Variants in CHD7 observed in about 807,000 individuals in gnomAD.
CHD7 encodes chromodomain helicase DNA binding protein 7.
Under a neutral mutation model 307.3 loss-of-function variants are expected in CHD7, and 24 were observed. That is an observed-to-expected ratio of 0.08 (90% CI 0.06 to 0.11). CHD7 has a LOEUF of 0.11. Among genes scored for constraint, CHD7 ranks in the 10% least tolerant of loss-of-function variants. CHD7 has a pLI of 1.00. For missense variants in CHD7, 3,106 were observed against 3,727.1 expected (o/e 0.83, Z 4.34); for synonymous variants, 1,363 against 1,349.9 (o/e 1.01, Z -0.21).
intron 2 of CHD7, among the ~76,000 whole-genome samples, chr8:60,758,672 C>G (rs1273828542): frequency 6.6e-6 from 1 of 152,086 alleles, no homozygotes; most frequent in Non-Finnish European, 1.5e-5. Context: ...TTCAGTTGGA[C>G]TTTCAAGTAA....
At position 60,781,327 on chromosome 8, in the gene CHD7, C is replaced by T; in HGVS notation, c.1993C>T (p.Pro665Ser). Reference protein sequence around the residue: ...EPKEPKEKKEPKEPKTPKAPK... With the variant: ...EPKEPKEKKESKEPKTPKAPK... The stretch of plus-strand genomic sequence containing the variant: ...GAAAGAACCCAAGGAGAAAAAAGAG[C>T]CCAAGGAACCCAAGACCCCGAAAGC... Residue 665 changes from proline to serine, a missense_variant, in exon 3 of 38, where the codon CCC (proline) becomes TCC (serine). Physicochemically the swap from Pro to Ser is moderately conservative, Grantham distance 74. This residue lies in a region of CHD7 where 998 missense variants were observed against 1,004.5 expected (regional missense o/e 0.99). Coordinates refer to ENST00000423902, the MANE Select transcript of CHD7 (RefSeq NM_017780.4). 6.4e-7 allele frequency: 1 copy of T among 1,571,536 alleles called. No individual in the cohort carries two copies. The highest frequency in any genetic ancestry group is 8.6e-7 in the Non-Finnish European group (1 of 1,159,974).
chr8:60,822,176 A>G, intron 11 of CHD7, 31 bp downstream of exon 11: 9 of 1,585,142 alleles, frequency 5.7e-6, no homozygotes, highest in Non-Finnish European at 7.7e-6. Flanking sequence ...TTCACTTTTA[A>G]ATATATCTGT....
Position 60,724,802 on chromosome 8 carries a change from A to T in CHD7, c.-174-16457A>T, listed in dbSNP as rs549447546. 1.8e-3 allele frequency among the ~76,000 whole-genome samples: 273 copies of T among 152,294 alleles called. 1 individual carries two copies. The highest frequency in any genetic ancestry group is 6.1e-3 in the African/African-American group (254 of 41,552). ...ATAAACTTTAACATTTATAAACTTA[A>T]TTTTTAATAAAGGCCAATAAAAACT... On this transcript the variant is annotated intron_variant, in intron 1 of 37. Coordinates refer to ENST00000423902, the MANE Select transcript of CHD7 (RefSeq NM_017780.4).
intron 3 of CHD7, among the ~76,000 whole-genome samples, chr8:60,788,429 A>G (rs181691681): frequency 3.5e-4 from 54 of 152,236 alleles, no homozygotes; most frequent in African/African-American, 1.2e-3. Context: ...GCCTGAGCCA[A>G]TGTACCCAGC....
In CHD7 at chr8:60,822,029, ACCT is replaced by A; in HGVS notation, c.2845_2847del (p.Pro949del). The A allele has an allele frequency of 1.2e-6, 2 of 1,613,788 alleles. No individual in the cohort carries two copies. The highest frequency in any genetic ancestry group is 1.7e-6 in the Non-Finnish European group (2 of 1,179,796). On this transcript the variant is annotated inframe_deletion, in exon 11 of 38. Coordinates refer to ENST00000423902, the MANE Select transcript of CHD7 (RefSeq NM_017780.4). ...ATTTACTATATTTGAAACAGGAGCG[ACCT>A]CCTGCTGATGATTGGAAGAAATCGG...
chr8:60,755,647 T>C (rs1809855597), intron 2 of CHD7, among the ~76,000 whole-genome samples: 1 of 152,156 alleles, frequency 6.6e-6, no homozygotes, highest in Non-Finnish European at 1.5e-5. Context: ...CTAAATATTG[T>C]GTATATTTTT....
chr8:60,780,419 AATC>A (rs1206649205), intron 2 of CHD7, among the ~76,000 whole-genome samples: 2 of 152,240 alleles, frequency 1.3e-5, no homozygotes, highest in South Asian at 2.1e-4. Flanking sequence ...ACCAATCCAA[AATC>A]ATCAAGTTTG....
chr8:60,850,801 G>A, intron 26 of CHD7, 179 bp downstream of exon 26: 1 of 753,404 alleles, frequency 1.3e-6, no homozygotes, highest in Non-Finnish European at 2.1e-6. Context: ...ACATTATCTT[G>A]ATAATCTGAA....
chr8:60,817,011 C>G (rs1208131462), intron 8 of CHD7, among the ~76,000 whole-genome samples: 4 of 152,126 alleles, frequency 2.6e-5, no homozygotes, highest in African/African-American at 9.7e-5. Flanking sequence ...GTCCCTTTAT[C>G]CCAGGTATCA....
At chr8:60,681,654 G>A (rs552937873) in intron 1 of CHD7, among the ~76,000 whole-genome samples, 4 of 152,202 alleles carry the variant, frequency 2.6e-5, no homozygotes, top group Non-Finnish European at 5.9e-5. Context: ...TGGAAATATG[G>A]CATTCTCTTT....
At chr8:60,831,816 A>G (rs1437157442) in intron 15 of CHD7, among the ~76,000 whole-genome samples, 3 of 152,106 alleles carry the variant, frequency 2.0e-5, no homozygotes, top group Non-Finnish European at 2.9e-5. Context: ...TGTCTTTATC[A>G]CAGTTTATGT....
intron 4 of CHD7, among the ~76,000 whole-genome samples, chr8:60,795,729 G>C (rs1811997275): frequency 6.6e-6 from 1 of 152,172 alleles, no homozygotes; most frequent in Admixed American, 6.5e-5. Context: ...GTAAACGTGA[G>C]GAATGTAGGT....
intron 2 of CHD7, among the ~76,000 whole-genome samples, chr8:60,751,402 C>T (rs1225627191): frequency 6.6e-6 from 1 of 152,114 alleles, no homozygotes. Flanking sequence ...CAATAGTTGG[C>T]TGAGGAAGAA....
At chr8:60,694,203 T>C (rs12680437) in intron 1 of CHD7, among the ~76,000 whole-genome samples, 58,482 of 152,222 alleles carry the variant, frequency 0.38, 13,840 homozygotes, top group Admixed American at 0.51. Flanking sequence ...TAGATGTGCC[T>C]GGTGAAAAAT....
chr8:60,756,291 G>A (rs1442361504), intron 2 of CHD7, among the ~76,000 whole-genome samples: 4 of 152,078 alleles, frequency 2.6e-5, no homozygotes, highest in African/African-American at 7.2e-5. Flanking sequence ...TGGGTATCTC[G>A]TGTCTTTGGC....
chr8:60,852,847 C>T lies in CHD7; in HGVS notation c.6122C>T (p.Ser2041Phe), dbSNP rs777755661. ...KPDDEPPDLS[S>F]IIEPITEERA... ...GTTACAGAACCGCCCGACCTCTCCT[C>T]CATAATTGAGCCGATCACAGAGGAG... The change falls in exon 31 of 38, where the codon TCC becomes TTC. Residue 2041 changes from serine (S) to phenylalanine (F), a missense_variant. Physicochemically the swap from Ser to Phe is radical, Grantham distance 155 (BLOSUM62 -2). Around this residue, in one of 10 missense-constraint regions of CHD7, gnomAD observed 1,030 missense variants for 1,165.4 expected, o/e 0.88. Transcript: ENST00000423902. 1.2e-6 allele frequency: 2 copies of T among 1,612,942 alleles called. No homozygotes were observed. Among genetic ancestry groups the T allele is most frequent in the Admixed American group, 1.7e-5 (1 of 60,010 alleles).
Position 60,741,465 on chromosome 8 carries a change from C to T in CHD7, c.33C>T (p.Gly11=), listed in dbSNP as rs560030949. 64 of 1,609,722 alleles carry T rather than the reference C, an allele frequency of 4.0e-5. No individual in the cohort carries two copies. In the Middle Eastern group the frequency reaches 6.6e-4, roughly 17 times the overall value. The change falls in exon 2 of 38, where the codon GGC becomes GGT. Residue 11 remains glycine, a synonymous_variant. Coordinates refer to ENST00000423902, the MANE Select transcript of CHD7 (RefSeq NM_017780.4). ...ATCCAGGAATGATGAGTCTTTTTGG[C>T]GAGGATGGGAATATTTTCAGTGAAG... MADPGMMSLF[G]EDGNIFSEGL...
At chr8:60,821,763 A>G in intron 9 of CHD7, 27 bp from the exon 10 acceptor site, 9 of 1,548,106 alleles carry the variant, frequency 5.8e-6, no homozygotes, top group Non-Finnish European at 7.9e-6. Context: ...AATGAATCCA[A>G]TTCTGATTTA....
chr8:60,737,621 A>G (rs1048844873), intron 1 of CHD7, among the ~76,000 whole-genome samples: 1 of 152,196 alleles, frequency 6.6e-6, no homozygotes, highest in African/African-American at 2.4e-5. Flanking sequence ...CCCCAAACAC[A>G]TGCATCTTCT....
Sources: gnomAD v4.1 joint callset for allele counts (sites outside exome capture counted in the v4.1 genomes callset) on GRCh38, gnomAD v4.1.1 for gene constraint, gnomAD v4.1.1 regional missense constraint, MANE v1.5 for transcripts, NCBI Gene and HGNC (gene_info 2026-07-23, HGNC 2026-07-21) for gene names.